Variants in CCDC102B observed in about 807,000 individuals in gnomAD.
CCDC102B encodes the protein coiled-coil domain containing 102B, also known as coiled-coil domain-containing protein 102B.
Under a neutral mutation model 57.4 loss-of-function variants are expected in CCDC102B, and 75 were observed. The ratio of observed to expected loss-of-function variants is 1.31; its 90% CI spans 1.08 to 1.58. The LOEUF (loss-of-function observed/expected upper bound fraction) is 1.58, where lower values mean the gene tolerates loss of function less well. Ranked by LOEUF, CCDC102B falls within the 40% of genes most tolerant of loss-of-function variation. The pLI is 0.00. For synonymous variants in CCDC102B, 206 were observed against 201.9 expected (o/e 1.02, Z -0.17); for missense variants, 636 against 582.6 (o/e 1.09, Z -0.94).
chr18:68,847,125 A>C (rs1599558546), intron 4 of CCDC102B, among the ~76,000 whole-genome samples: 1 of 151,772 alleles, frequency 6.6e-6, no homozygotes, highest in East Asian at 1.9e-4. Flanking sequence ...CAAAATAATG[A>C]CTATTTTTAC....
At chr18:69,015,392 G>A (rs1026979342) in intron 7 of CCDC102B, among the ~76,000 whole-genome samples, 5 of 152,166 alleles carry the variant, frequency 3.3e-5, no homozygotes, top group African/African-American at 1.2e-4. Flanking sequence ...CACTGTTTCG[G>A]ATAGTTAGGA....
chr18:68,948,602 A>T (rs1411070112), intron 6 of CCDC102B, among the ~76,000 whole-genome samples: 1 of 152,024 alleles, frequency 6.6e-6, no homozygotes, highest in Non-Finnish European at 1.5e-5. Context: ...CCAATGATGG[A>T]TCTCTGGTCA....
At chr18:68,790,527 C>A (rs918425067) in intron 2 of CCDC102B, among the ~76,000 whole-genome samples, 2 of 152,126 alleles carry the variant, frequency 1.3e-5, no homozygotes, top group African/African-American at 4.8e-5. Context: ...GATATAATCT[C>A]GTGGTGCGCC....
chr18:68,728,332 T>G (rs895880239), intron 2 of CCDC102B, among the ~76,000 whole-genome samples: 1 of 152,226 alleles, frequency 6.6e-6, no homozygotes, highest in African/African-American at 2.4e-5. Context: ...TCAAGGGTAT[T>G]TGAATAGAAT....
chr18:68,846,109 G>C (rs1457302050), intron 3 of CCDC102B, among the ~76,000 whole-genome samples: 1 of 151,748 alleles, frequency 6.6e-6, no homozygotes, highest in South Asian at 2.1e-4. Flanking sequence ...GTAATCTACT[G>C]TAAAGTTAAT....
At chr18:68,836,678 A>T in intron 1 of CCDC102B, 71 bp from the exon 2 acceptor site, 4 of 674,210 alleles carry the variant, frequency 5.9e-6, no homozygotes, top group Non-Finnish European at 8.7e-6. Flanking sequence ...AAAAAAAAAA[A>T]AGTGTAGGTC....
intron 6 of CCDC102B, among the ~76,000 whole-genome samples, chr18:68,907,042 C>A (rs7238095): frequency 0.57 from 86,930 of 151,884 alleles, 25,435 homozygotes; most frequent in East Asian, 0.9. Flanking sequence ...GTTGTGACTG[C>A]AACATTTTTT....
intron 2 of CCDC102B, among the ~76,000 whole-genome samples, chr18:68,728,779 T>C (rs2032719641): frequency 6.6e-6 from 1 of 152,132 alleles, no homozygotes; most frequent in Admixed American, 6.6e-5. Flanking sequence ...TCCTTTAATA[T>C]CTGGAATTGG....
At chr18:69,028,524 A>T (rs2052053720) in intron 7 of CCDC102B, among the ~76,000 whole-genome samples, 1 of 152,142 alleles carries the variant, frequency 6.6e-6, no homozygotes, top group Non-Finnish European at 1.5e-5. Flanking sequence ...CACTCATGTA[A>T]TGACTGTCTT....
intron 2 of CCDC102B, among the ~76,000 whole-genome samples, chr18:68,759,190 G>C (rs1354065047): frequency 2.0e-5 from 3 of 151,828 alleles, no homozygotes; most frequent in Admixed American, 2.0e-4. Context: ...TAAAATATTG[G>C]GGAAAAATAA....
intron 7 of CCDC102B, among the ~76,000 whole-genome samples, chr18:69,017,286 T>G (rs568968656): frequency 6.8e-4 from 104 of 151,950 alleles, no homozygotes; most frequent in African/African-American, 2.4e-3. Flanking sequence ...TGGCTATTTT[T>G]TTTGTGTGTG....
At chr18:68,779,964 C>A (rs1268039563) in intron 2 of CCDC102B, among the ~76,000 whole-genome samples, 1 of 151,986 alleles carries the variant, frequency 6.6e-6, no homozygotes, top group South Asian at 2.1e-4. Context: ...CTTTTATCAA[C>A]CAAGATAAAA....
intron 6 of CCDC102B, among the ~76,000 whole-genome samples, chr18:68,982,336 A>AT (rs1220524093): frequency 6.6e-6 from 1 of 151,886 alleles, no homozygotes; most frequent in Non-Finnish European, 1.5e-5. Context: ...ATTTTATACT[A>AT]TTTTTTCATA....
chr18:68,870,643 G>A lies in CCDC102B; in HGVS notation c.937-4026G>A, dbSNP rs144959457. Among the ~76,000 whole-genome samples the A allele has an allele frequency of 4.9e-3, 746 of 152,264 alleles. 10 individuals carry two copies. The highest frequency in any genetic ancestry group is 4.7e-3 in the Non-Finnish European group (317 of 68,000). On this transcript the variant is annotated intron_variant, in intron 4 of 7. Transcript: ENST00000360242. ...AAATTTGTGTATTTCATCACAGGAC[G>A]TCCTTAGCTCCTATTTCTCTATGAA... is the stretch of plus-strand genomic sequence containing the variant.
intron 1 of CCDC102B, among the ~76,000 whole-genome samples, chr18:68,805,975 C>T (rs1459632069): frequency 6.6e-6 from 1 of 152,096 alleles, no homozygotes; most frequent in Non-Finnish European, 1.5e-5. Flanking sequence ...ATCAGTCCTA[C>T]AGACTGTATT....
chr18:68,747,731 T>C lies in CCDC102B; in HGVS notation c.-67+31137T>C, dbSNP rs1330199371. 2.0e-5 allele frequency among the ~76,000 whole-genome samples: 3 copies of C among 152,132 alleles called. 1 individual carries two copies. The highest frequency in any genetic ancestry group is 2.9e-5 in the Non-Finnish European group (2 of 67,992). On this transcript the variant is annotated intron_variant, in intron 2 of 3. Transcript: ENST00000578970. ...TTTCAAAGCTGAATACAGTGATACA[T>C]CATTATATGTATATATCACATTTTT...
At chr18:69,055,499 A>G (rs2052801142), downstream of CCDC102B, among the ~76,000 whole-genome samples, 1 of 151,980 alleles carries the variant, frequency 6.6e-6, no homozygotes, top group Non-Finnish European at 1.5e-5. Context: ...TCCCCTGTCA[A>G]CCAACTGACT....
rs1000019162 is a variant in CCDC102B, at chr18:69,054,797, G to A, written c.*660G>A. The A allele has an allele frequency of 4.0e-5, 39 of 985,168 alleles. No homozygotes were observed. Among genetic ancestry groups the A allele is most frequent in the Non-Finnish European group, 4.5e-5 (37 of 829,910 alleles). 61.0% of individuals were successfully genotyped at this position (985,168 alleles called of 1,614,324 possible). ...TAAAAGGACTTTTGACTTTTATCTG[G>A]ATAGACATTTCTACAGTAAAATCAT... On this transcript the variant is annotated 3_prime_UTR_variant, in exon 8 of 8. Coordinates refer to ENST00000360242, the MANE Select transcript of CCDC102B (RefSeq NM_024781.3).
At chr18:68,926,624 A>G (rs747901660) in intron 6 of CCDC102B, among the ~76,000 whole-genome samples, 42 of 152,062 alleles carry the variant, frequency 2.8e-4, no homozygotes, top group Middle Eastern at 3.4e-3. Flanking sequence ...GTCATGAATG[A>G]CAGTGACATT....
Sources: gnomAD v4.1 joint callset for allele counts (sites outside exome capture counted in the v4.1 genomes callset) on GRCh38, gnomAD v4.1.1 for gene constraint, MANE v1.5 for transcripts, NCBI Gene and HGNC (gene_info 2026-07-23, HGNC 2026-07-21) for gene names.